Variants in CPA6 observed in about 807,000 individuals in gnomAD.
CPA6 encodes carboxypeptidase A6, also known as carboxypeptidase B.
In CPA6, 58 loss-of-function variants were observed where a neutral mutation model predicts 63.3. The observed-to-expected ratio is 0.92, with a 90% CI of 0.74 to 1.14. CPA6 has a LOEUF of 1.14. Among genes scored for constraint, CPA6 ranks in the 50% most tolerant of loss-of-function variants. CPA6 has a pLI of 0.00. For missense variants in CPA6, 565 were observed against 526.6 expected (o/e 1.07, Z -0.71); for synonymous variants, 185 against 179.0 (o/e 1.03, Z -0.27).
At position 67,627,136 on chromosome 8, in the gene CPA6, A is replaced by C. The variant is rs564466973; in HGVS notation, c.117-2885T>G. On this transcript the variant is annotated intron_variant, in intron 1 of 10. Coordinates refer to ENST00000297770, the MANE Select transcript of CPA6 (RefSeq NM_020361.5). ...GAAGGCAATGTAGAAAGACCCATGA[A>C]ATGTCATACTCTTTTGTGAACCAGT... is the stretch of plus-strand genomic sequence containing the variant. Among the ~76,000 whole-genome samples, 11 of 152,292 alleles carry C rather than the reference A, an allele frequency of 7.2e-5. No homozygotes were observed. The East Asian group carries it at 2.1e-3, about 29-fold the overall frequency.
intron 2 of CPA6, among the ~76,000 whole-genome samples, chr8:67,604,486 C>T (rs1814575770): frequency 6.6e-6 from 1 of 152,164 alleles, no homozygotes; most frequent in Admixed American, 6.5e-5. Context: ...TTACCTTTTT[C>T]CCTGCTTTAC....
chr8:67,523,451 C>A (rs1333800426), intron 2 of CPA6, among the ~76,000 whole-genome samples: 1 of 152,092 alleles, frequency 6.6e-6, no homozygotes, highest in East Asian at 1.9e-4. Flanking sequence ...ATAGTGTGAA[C>A]CTGGGAGGCA....
chr8:67,573,302 G>A (rs1441401215), intron 2 of CPA6, among the ~76,000 whole-genome samples: 1 of 152,110 alleles, frequency 6.6e-6, no homozygotes, highest in Non-Finnish European at 1.5e-5. Flanking sequence ...GAAATAAAAA[G>A]CGTCCAAACA....
At chr8:67,515,165 A>C (rs536570574) in intron 3 of CPA6, among the ~76,000 whole-genome samples, 1 of 152,176 alleles carries the variant, frequency 6.6e-6, no homozygotes, top group Admixed American at 6.5e-5. Context: ...CCTGCTAAAA[A>C]GTTTGGGTAG....
intron 2 of CPA6, among the ~76,000 whole-genome samples, chr8:67,595,492 A>T (rs370401930): frequency 1.3e-4 from 19 of 151,914 alleles, no homozygotes; most frequent in Admixed American, 1.2e-3. Context: ...AGAGGTGGAG[A>T]CTACAGAGGC....
intron 2 of CPA6, among the ~76,000 whole-genome samples, chr8:67,601,267 C>A (rs772246671): frequency 1.3e-5 from 2 of 152,178 alleles, no homozygotes; most frequent in Non-Finnish European, 2.9e-5. Flanking sequence ...CAAACAGCAA[C>A]CCACACATCC....
chr8:67,593,829 CTT>C (rs552277249), intron 2 of CPA6, among the ~76,000 whole-genome samples: 106 of 148,800 alleles, frequency 7.1e-4, no homozygotes, highest in Admixed American at 2.7e-4. Context: ...GGTCTTGACT[CTT>C]TATCCAACTT....
intron 8 of CPA6, among the ~76,000 whole-genome samples, chr8:67,467,811 T>C (rs1424089599): frequency 4.0e-5 from 6 of 150,084 alleles, no homozygotes; most frequent in African/African-American, 1.2e-4. Context: ...GAGACCAGCC[T>C]GGCCAACAGG....
chr8:67,495,988 C>T (rs905106710), intron 6 of CPA6, among the ~76,000 whole-genome samples: 4 of 152,172 alleles, frequency 2.6e-5, no homozygotes, highest in Admixed American at 6.5e-5. Flanking sequence ...AAATCTACAA[C>T]GCCCACATAT....
intron 2 of CPA6, among the ~76,000 whole-genome samples, chr8:67,552,944 T>C (rs1279401339): frequency 1.3e-5 from 2 of 152,148 alleles, no homozygotes; most frequent in Non-Finnish European, 2.9e-5. Flanking sequence ...AATAAGTAGA[T>C]TTTGATTTAA....
At chr8:67,531,123 T>C (rs1347086182) in intron 2 of CPA6, among the ~76,000 whole-genome samples, 2 of 152,164 alleles carry the variant, frequency 1.3e-5, no homozygotes, top group African/African-American at 2.4e-5. Context: ...AATCTTGGAA[T>C]AGTTGAAGAT....
At chr8:67,726,838 C>T (rs906947405) in intron 1 of CPA6, among the ~76,000 whole-genome samples, 1 of 152,170 alleles carries the variant, frequency 6.6e-6, no homozygotes, top group Non-Finnish European at 1.5e-5. Flanking sequence ...CCATTTAATG[C>T]TTCATTGGAA....
intron 6 of CPA6, among the ~76,000 whole-genome samples, chr8:67,500,705 T>C (rs1811814039): frequency 6.6e-6 from 1 of 151,110 alleles, no homozygotes; most frequent in Non-Finnish European, 1.5e-5. Flanking sequence ...CAATTTTGAG[T>C]TAATTTTTTT....
At chr8:67,620,237 G>T (rs529568361) in intron 2 of CPA6, among the ~76,000 whole-genome samples, 1 of 152,292 alleles carries the variant, frequency 6.6e-6, no homozygotes, top group African/African-American at 2.4e-5. Flanking sequence ...TCTGTGAACA[G>T]CTAGAGGAAA....
At chr8:67,475,430 T>A (rs769310325) in intron 8 of CPA6, among the ~76,000 whole-genome samples, 1 of 152,200 alleles carries the variant, frequency 6.6e-6, no homozygotes, top group Admixed American at 6.5e-5. Flanking sequence ...ACATCTAAAA[T>A]GATCAAGAAA....
At chr8:67,725,885 A>G (rs1207929001) in intron 1 of CPA6, among the ~76,000 whole-genome samples, 1 of 152,194 alleles carries the variant, frequency 6.6e-6, no homozygotes, top group African/African-American at 2.4e-5. Context: ...GTACTTAAGA[A>G]TGAGATAAAA....
chr8:67,441,170 A>G (rs1810286922), intron 8 of CPA6, among the ~76,000 whole-genome samples: 1 of 152,192 alleles, frequency 6.6e-6, no homozygotes, highest in Non-Finnish European at 1.5e-5. Flanking sequence ...CACCTGGATA[A>G]AAGATCAGCT....
At chr8:67,585,467 G>A (rs892998244) in intron 2 of CPA6, among the ~76,000 whole-genome samples, 3 of 152,012 alleles carry the variant, frequency 2.0e-5, no homozygotes, top group African/African-American at 7.2e-5. Context: ...TCCTTTAAAA[G>A]TTGAGAAAGC....
chr8:67,488,824 G>A (rs150419561), intron 6 of CPA6, among the ~76,000 whole-genome samples: 3,265 of 152,236 alleles, frequency 0.021, 116 homozygotes, highest in African/African-American at 0.073. Flanking sequence ...AATTGTGAAT[G>A]GGAGTTCACT....
Sources: gnomAD v4.1 joint callset for allele counts (sites outside exome capture counted in the v4.1 genomes callset) on GRCh38, gnomAD v4.1.1 for gene constraint, MANE v1.5 for transcripts, NCBI Gene and HGNC (gene_info 2026-07-23, HGNC 2026-07-21) for gene names.